The following RIF1 variants were observed in gnomAD, a reference collection of about 807,000 sequenced individuals.
The protein encoded by RIF1 is replication timing regulatory factor 1, also known as telomere-associated protein RIF1.
In RIF1, 45 loss-of-function variants were observed where a neutral mutation model predicts 247.1. The ratio of observed to expected loss-of-function variants is 0.18; its 90% CI spans 0.14 to 0.23. RIF1 has a LOEUF of 0.23. Ranked by LOEUF, RIF1 falls within the 10% of genes least tolerant of loss-of-function variation. The pLI is 1.00. For synonymous variants in RIF1, 1,087 were observed against 978.8 expected, an observed-to-expected ratio of 1.11 and a Z score of -2.06; for missense variants, 2,967 against 2,862.5, an observed-to-expected ratio of 1.04 and a Z score of -0.83.
At position 151,460,050 on chromosome 2, in the gene RIF1, A is replaced by C. The variant is rs1453301973; in HGVS notation, c.3006A>C (p.Ser1002=). ...AGATAAGTGGCATGGAGAGAAAATC[A>C]AATGGAAAAAGAGATTCATTTTTGG... ...NVKISGMERK[S]NGKRDSFLAQ... The change falls in exon 26 of 36, where the codon TCA becomes TCC. Residue 1002 remains serine, a synonymous_variant. Transcript: ENST00000444746. 1.3e-6 allele frequency: 2 copies of C among 1,574,586 alleles called. No homozygotes were observed. The highest frequency in any genetic ancestry group is 3.6e-5 in the Admixed American group (2 of 55,758).
At position 151,437,304 on chromosome 2, in the gene RIF1, T is replaced by G. The variant is rs573122351; in HGVS notation, c.1436T>G (p.Ile479Ser). The G allele has an allele frequency of 1.9e-6, 3 of 1,614,056 alleles. No homozygotes were observed. The highest frequency in any genetic ancestry group is 2.7e-5 in the African/African-American group (2 of 75,052). Reference sequence around the variant, plus strand: ...TTTTCCAAACATGCAAATACACTTATCACTGCTGTTCATGATAGCTTTGTT... The same window carrying G: ...TTTTCCAAACATGCAAATACACTTAGCACTGCTGTTCATGATAGCTTTGTT... ...SFFSKHANTLITAVHDSFVAV... is the reference protein window; with the variant it reads ...SFFSKHANTLSTAVHDSFVAV... The change falls in exon 13 of 36, where the codon ATC becomes AGC. Residue 479 changes from isoleucine (I) to serine (S), a missense_variant. Ile to Ser is a moderately radical substitution (Grantham distance 142). Transcript: ENST00000444746.
Position 151,464,624 on chromosome 2 carries a change from A to G in RIF1, c.5104A>G (p.Ile1702Val). ...CSLGESSKIG[I>V]SDISSLSEKT... is the part of the protein sequence containing the mutation. Reference sequence around the variant, plus strand: ...TTTGGGAGAATCCTCAAAAATAGGGATATCAGATATTTCTTCGCTTTCAGA... The same window carrying G: ...TTTGGGAGAATCCTCAAAAATAGGGGTATCAGATATTTCTTCGCTTTCAGA... Residue 1702 changes from isoleucine (I) to valine (V), a missense_variant, in exon 30 of 36, where the codon ATA (isoleucine) becomes GTA (valine). Ile to Val is a conservative substitution (Grantham distance 29). This residue lies in a region of RIF1 where 2,028 missense variants were observed against 1,825.6 expected (regional missense o/e 1.11). Coordinates refer to ENST00000444746, the MANE Select transcript of RIF1 (RefSeq NM_018151.5). 2.5e-6 allele frequency: 4 copies of G among 1,613,724 alleles called. No homozygotes were observed. The highest frequency in any genetic ancestry group is 3.4e-6 in the Non-Finnish European group (4 of 1,179,788).
chr2:151,467,206 C>G (rs1993206), intron 30 of RIF1, among the ~76,000 whole-genome samples: 14 of 151,726 alleles, frequency 9.2e-5, no homozygotes, highest in Admixed American at 7.9e-4. Flanking sequence ...TCCAGCCTGG[C>G]GACAGAGCGA....
chr2:151,519,179 G>GA, the RIF1 span: 1 of 757,440 alleles, frequency 1.3e-6, no homozygotes, highest in Admixed American at 2.0e-5. Flanking sequence ...AGATGGTGAT[G>GA]AAAAATCATA....
chr2:151,504,578 C>T (rs2067284653), intron 12 of RIF1, among the ~76,000 whole-genome samples: 2 of 152,292 alleles, frequency 1.3e-5, no homozygotes, highest in Admixed American at 6.5e-5. Flanking sequence ...AGAGAAATAT[C>T]AAGTATCCTA....
At chr2:151,431,318 T>A (rs1362873379) in intron 9 of RIF1, among the ~76,000 whole-genome samples, 1 of 152,210 alleles carries the variant, frequency 6.6e-6, no homozygotes, top group East Asian at 1.9e-4. Context: ...GAATCTTATA[T>A]ACACATCCAC....
Position 151,445,619 on chromosome 2 carries a change from C to T in RIF1, c.2094+174C>T, listed in dbSNP as rs60297258. ...TTGGAGTACAGTGGTGCAATCTCAG[C>T]TTACTGCAACCTCTGCCTTCTGGGT... On this transcript the variant is annotated intron_variant, in intron 19 of 35. Transcript: ENST00000444746. Among the ~76,000 whole-genome samples the T allele has an allele frequency of 1.4e-3, 207 of 152,182 alleles. 3 individuals are homozygous for T. In the East Asian group the frequency reaches 0.036, roughly 26 times the overall value.
intron 30 of RIF1, 68 bp downstream of exon 30, chr2:151,466,188 C>T (rs1416784030): frequency 5.9e-6 from 5 of 843,418 alleles, no homozygotes; most frequent in Non-Finnish European, 9.4e-6. Context: ...CATACAGTGA[C>T]CTCTGGTGAA....
chr2:151,533,446 C>A, the RIF1 span: 1 of 1,548,514 alleles, frequency 6.5e-7, no homozygotes, highest in Non-Finnish European at 8.7e-7. Context: ...CATTACCTGG[C>A]TCCACATATG....
chr2:151,458,993 A>G, intron 25 of RIF1, 83 bp downstream of exon 25: 1 of 776,788 alleles, frequency 1.3e-6, no homozygotes, highest in South Asian at 2.0e-5. Context: ...GAACCTGAAC[A>G]GAAAAGAGTT....
intron 20 of RIF1, among the ~76,000 whole-genome samples, chr2:151,450,825 C>T (rs1372572498): frequency 6.6e-6 from 1 of 152,152 alleles, no homozygotes; most frequent in Non-Finnish European, 1.5e-5. Flanking sequence ...CTCAGGTGAT[C>T]CACCCACCTC....
intron 9 of RIF1, among the ~76,000 whole-genome samples, chr2:151,487,580 A>G (rs192478649): frequency 2.4e-4 from 37 of 152,274 alleles, no homozygotes; most frequent in African/African-American, 7.9e-4. Flanking sequence ...TCACATTTTA[A>G]TAATATCACG....
chr2:151,481,017 G>A lies in RIF1; in HGVS notation c.*5946G>A, dbSNP rs1298085805. On this transcript the variant is annotated 3_prime_UTR_variant, in exon 36 of 36. Transcript: ENST00000444746. Reference sequence around the variant, plus strand: ...GAAAACATATTAAATTAAAATTTCAGTATCCAGAAATAAAGTTTTATTGGA... The same window carrying A: ...GAAAACATATTAAATTAAAATTTCAATATCCAGAAATAAAGTTTTATTGGA... 6.6e-6 allele frequency: 1 copy of A among 152,136 alleles called. No homozygotes were observed. The highest frequency in any genetic ancestry group is 2.4e-5 in the African/African-American group (1 of 41,436). 9.4% of individuals were successfully genotyped at this position (152,136 alleles called of 1,614,324 possible). A position where few individuals can be genotyped will look rare whatever the true frequency, so the allele number is the denominator to read the frequency against.
Position 151,479,101 on chromosome 2 carries a change from C to G in RIF1, c.*4030C>G, listed in dbSNP as rs1397860345. ...TTTTTAAACACAGTCCCAGGTGATT[C>G]ATGCAGATGCCTGTGAACTGCGCTG... On this transcript the variant is annotated 3_prime_UTR_variant, in exon 36 of 36. Transcript: ENST00000444746. The G allele has an allele frequency of 6.6e-6, 1 of 152,166 alleles. No homozygotes were observed. The highest frequency in any genetic ancestry group is 1.5e-5 in the Non-Finnish European group (1 of 68,036). The allele number at this position is 152,166 out of a possible 1,614,324, so 9.4% of individuals were successfully genotyped here. A position where few individuals can be genotyped will look rare whatever the true frequency, so the allele number is the denominator to read the frequency against.
chr2:151,428,543 ATAT>A (rs1409578281), intron 8 of RIF1, among the ~76,000 whole-genome samples: 2 of 152,174 alleles, frequency 1.3e-5, no homozygotes, highest in Admixed American at 1.3e-4. Context: ...CAAACTTTAT[ATAT>A]TTTGTGATCT....
chr2:151,527,433 C>T, the RIF1 span: 1 of 1,292,760 alleles, frequency 7.7e-7, no homozygotes, highest in Non-Finnish European at 1.1e-6. Flanking sequence ...CATTGTATTT[C>T]TCAGGTGCAG....
intron 8 of RIF1, among the ~76,000 whole-genome samples, chr2:151,424,819 C>T (rs1006668694): frequency 7.3e-6 from 1 of 136,780 alleles, no homozygotes; most frequent in Non-Finnish European, 1.5e-5. Flanking sequence ...CCACCCAGCC[C>T]GGCTGATTTT....
intron 11 of RIF1, 27 bp downstream of exon 11, chr2:151,435,607 G>C (rs777709586): frequency 7.5e-7 from 1 of 1,333,952 alleles, no homozygotes; most frequent in Admixed American, 1.7e-5. Context: ...CTTGTTTTTT[G>C]CTTTTTTAAT....
chr2:151,533,311 A>T, the RIF1 span: 3 of 632,992 alleles, frequency 4.7e-6, no homozygotes, highest in Admixed American at 2.8e-5. Context: ...ACAAGGAATG[A>T]ATATTTACAT....
Sources: allele counts gnomAD v4.1 joint callset (sites outside exome capture counted in the v4.1 genomes callset), GRCh38; gene constraint gnomAD v4.1.1; regional missense constraint gnomAD v4.1.1; transcripts MANE v1.5; gene names NCBI Gene and HGNC (gene_info 2026-07-23, HGNC 2026-07-21).